Variants in ZZZ3 observed in about 807,000 individuals in gnomAD.
The protein encoded by ZZZ3 is zinc finger ZZ-type containing 3, also known as ZZ-type zinc finger-containing protein 3.
Under a neutral mutation model 95.2 loss-of-function variants are expected in ZZZ3, and 22 were observed. That is an observed-to-expected ratio of 0.23 (90% CI 0.17 to 0.33). The LOEUF is 0.33. ZZZ3 is among the 10% of genes least tolerant of loss of function. ZZZ3 has a pLI of 1.00. For synonymous variants in ZZZ3, 335 were observed against 358.9 expected, an observed-to-expected ratio of 0.93 and a Z score of 0.75; for missense variants, 885 against 1,066.5, an observed-to-expected ratio of 0.83 and a Z score of 2.37.
intron 1 of ZZZ3, among the ~76,000 whole-genome samples, chr1:77,660,092 A>G (rs1292515422): frequency 2.6e-5 from 4 of 152,110 alleles, no homozygotes; most frequent in Non-Finnish European, 1.5e-5. Flanking sequence ...TCAACCTCCC[A>G]AAGAGCTGGG....
At chr1:77,644,958 C>T (rs1306840339) in intron 1 of ZZZ3, among the ~76,000 whole-genome samples, 1 of 152,172 alleles carries the variant, frequency 6.6e-6, no homozygotes, top group African/African-American at 2.4e-5. Flanking sequence ...CACAATGGCT[C>T]ACGCTGGTCA....
At chr1:77,656,250 T>A (rs1244888918) in intron 1 of ZZZ3, among the ~76,000 whole-genome samples, 1 of 152,224 alleles carries the variant, frequency 6.6e-6, no homozygotes, top group African/African-American at 2.4e-5. Context: ...TTTAAATTTG[T>A]CAGTTAAATT....
At chr1:77,648,571 G>C (rs1382319987) in intron 1 of ZZZ3, among the ~76,000 whole-genome samples, 1 of 151,930 alleles carries the variant, frequency 6.6e-6, no homozygotes, top group African/African-American at 2.4e-5. Context: ...CTTCTACTTA[G>C]AAAAACACAG....
At chr1:77,616,880 T>C (rs1378916686) in intron 5 of ZZZ3, among the ~76,000 whole-genome samples, 1 of 151,710 alleles carries the variant, frequency 6.6e-6, no homozygotes, top group African/African-American at 2.4e-5. Flanking sequence ...AATAAATAAA[T>C]AAATAAAATA....
At chr1:77,645,265 T>G (rs549325697) in intron 1 of ZZZ3, 3 of 152,230 alleles carry the variant, frequency 2.0e-5, no homozygotes, top group South Asian at 2.1e-4. Context: ...TTAAAAGAAA[T>G]AAAACTTCAG....
intron 12 of ZZZ3, among the ~76,000 whole-genome samples, chr1:77,570,858 C>T (rs1184239605): frequency 7.7e-5 from 9 of 116,814 alleles, no homozygotes; most frequent in Admixed American, 7.1e-4. Flanking sequence ...TTTGTAGAGA[C>T]GGGGTTTCGT....
chr1:77,633,098 C>T lies in ZZZ3; in HGVS notation c.257G>A (p.Arg86Lys). The change falls in exon 5 of 15, where the codon AGA (arginine) becomes AAA (lysine). Residue 86 changes from arginine to lysine, a missense_variant. This residue lies in a region of ZZZ3 where 556 missense variants were observed against 652.9 expected (regional missense o/e 0.85). Transcript: ENST00000370801. ...TRESWVSPRK[R>K]GLSSSEKDNI... Reference sequence around the variant, plus strand: ...ATCCTTTTCTGAAGAAGAAAGTCCTCTTTTCCTAGGGCTTACCCATGATTC... The same window carrying T: ...ATCCTTTTCTGAAGAAGAAAGTCCTTTTTTCCTAGGGCTTACCCATGATTC... 1 of 1,613,976 alleles carries T rather than the reference C, an allele frequency of 6.2e-7. No individual in the cohort carries two copies. The highest frequency in any genetic ancestry group is 1.1e-5 in the South Asian group (1 of 91,082).
intron 5 of ZZZ3, among the ~76,000 whole-genome samples, chr1:77,610,613 T>C (rs1273185123): frequency 6.6e-6 from 1 of 151,530 alleles, no homozygotes; most frequent in East Asian, 1.9e-4. Context: ...AAAAAATTCA[T>C]CATGGCCAAT....
chr1:77,622,827 A>G lies in ZZZ3; in HGVS notation c.1505+9023T>C, dbSNP rs561576618. On this transcript the variant is annotated intron_variant, in intron 5 of 14. Transcript: ENST00000370801. ...TTCAATTAAAATTCTTACTGTTACA[A>G]TTTCTGACTTCAACTTCTTTAAAAA... is the stretch of plus-strand genomic sequence containing the variant. 4.6e-5 allele frequency among the ~76,000 whole-genome samples: 7 copies of G among 152,278 alleles called. No homozygotes were observed. In the East Asian group the frequency reaches 1.3e-3, roughly 29 times the overall value.
rs1164493520 is a variant in ZZZ3 at position 77,663,119 on chromosome 1, T to TA, written c.-403+19465dup. ...GACCCGGTCTCAAAAAAAAAATTAA[T>TA]AAAAAAAAAAATTTGACTAACTGTT... On this transcript the variant is annotated intron_variant, in intron 1 of 14. Transcript: ENST00000370801. Among the ~76,000 whole-genome samples the TA allele has an allele frequency of 2.4e-3, 352 of 143,750 alleles. 3 individuals are homozygous for TA. Among genetic ancestry groups the TA allele is most frequent in the Non-Finnish European group, 2.8e-3 (179 of 64,846 alleles). The allele number at this position is 143,750 out of a possible 152,430, so 94.3% of individuals were successfully genotyped here.
chr1:77,676,255 C>A (rs1383544516), intron 1 of ZZZ3, among the ~76,000 whole-genome samples: 1 of 152,164 alleles, frequency 6.6e-6, no homozygotes, highest in Non-Finnish European at 1.5e-5. Flanking sequence ...TAGCCTCAAT[C>A]TTTTGGGGTC....
chr1:77,584,966 TA>T (rs905900569), intron 5 of ZZZ3: 9 of 172,364 alleles, frequency 5.2e-5, no homozygotes, highest in South Asian at 1.9e-4. Context: ...AACTGCTAGA[TA>T]AAAAAAATAT....
intron 5 of ZZZ3, among the ~76,000 whole-genome samples, chr1:77,592,126 T>G (rs977080150): frequency 3.9e-5 from 6 of 152,180 alleles, no homozygotes; most frequent in South Asian, 2.1e-4. Flanking sequence ...ATTAGCTGGG[T>G]GGTCCCCAAA....
intron 1 of ZZZ3, among the ~76,000 whole-genome samples, chr1:77,642,527 T>C (rs1420691675): frequency 1.3e-5 from 2 of 151,838 alleles, no homozygotes; most frequent in African/African-American, 2.4e-5. Context: ...GAGGATCCCT[T>C]GAGCTCAGGC....
In ZZZ3 at chr1:77,602,104, A is replaced by G. The variant is rs533710628; in HGVS notation, c.1506-17449T>C. On this transcript the variant is annotated intron_variant, in intron 5 of 14. Coordinates refer to ENST00000370801, the MANE Select transcript of ZZZ3 (RefSeq NM_015534.6). ...GTACAGGGCACCTGAGAGGCTCCCA[A>G]CTATAATTGGAAACCATGCCTTTAG... is the stretch of plus-strand genomic sequence containing the variant. 1.1e-4 allele frequency among the ~76,000 whole-genome samples: 16 copies of G among 152,352 alleles called. No individual in the cohort carries two copies. The South Asian group carries it at 2.3e-3, about 22-fold the overall frequency.
chr1:77,680,739 T>TA (rs1341389915), intron 1 of ZZZ3, among the ~76,000 whole-genome samples: 2 of 152,232 alleles, frequency 1.3e-5, no homozygotes, highest in African/African-American at 4.8e-5. Flanking sequence ...ATCACAGTGA[T>TA]AAACTTTTAA....
intron 11 of ZZZ3, among the ~76,000 whole-genome samples, chr1:77,577,405 CCA>C (rs1322197258): frequency 4.6e-5 from 7 of 151,376 alleles, no homozygotes; most frequent in South Asian, 2.1e-4. Context: ...TTCCAATATT[CCA>C]CAGTTATAGG....
At chr1:77,644,141 A>G (rs972862344) in intron 1 of ZZZ3, among the ~76,000 whole-genome samples, 11 of 151,946 alleles carry the variant, frequency 7.2e-5, no homozygotes, top group African/African-American at 2.7e-4. Context: ...TCTCGACTCA[A>G]TGCAGCCTCT....
chr1:77,569,074 T>C (rs905683767), intron 12 of ZZZ3, among the ~76,000 whole-genome samples: 18 of 152,336 alleles, frequency 1.2e-4, no homozygotes, highest in African/African-American at 4.1e-4. Flanking sequence ...CAGTGGCTTA[T>C]ACCTGTAATC....
Sources: allele counts gnomAD v4.1 joint callset (sites outside exome capture counted in the v4.1 genomes callset), GRCh38; gene constraint gnomAD v4.1.1; regional missense constraint gnomAD v4.1.1; transcripts MANE v1.5; gene names NCBI Gene and HGNC (gene_info 2026-07-23, HGNC 2026-07-21).